The following LRPAP1 variants were observed in gnomAD, a reference collection of about 807,000 sequenced individuals.
The protein encoded by LRPAP1 is LDL receptor related protein associated protein 1.
LRPAP1 carries 41 observed loss-of-function variants against 39.9 expected under a neutral mutation model. That is an observed-to-expected ratio of 1.03 (90% CI 0.80 to 1.33). LRPAP1 has a LOEUF of 1.33. Ranked by LOEUF, LRPAP1 falls within the 40% of genes most tolerant of loss-of-function variation. LRPAP1 has a pLI of 0.00. For missense variants in LRPAP1, 565 were observed against 482.3 expected, an observed-to-expected ratio of 1.17 and a Z score of -1.61; for synonymous variants, 263 against 212.7, an observed-to-expected ratio of 1.24 and a Z score of -2.06.
intron 2 of LRPAP1, among the ~76,000 whole-genome samples, chr4:3,520,917 A>C (rs866209984): frequency 2.0e-5 from 3 of 152,178 alleles, no homozygotes; most frequent in Non-Finnish European, 1.5e-5. Flanking sequence ...CTGTCACCAC[A>C]CGCTGCCACC....
chr4:3,524,345 C>A (rs2108694328), intron 2 of LRPAP1, among the ~76,000 whole-genome samples: 1 of 152,378 alleles, frequency 6.6e-6, no homozygotes, highest in African/African-American at 2.4e-5. Flanking sequence ...AAGCGCATGA[C>A]AACCAAGTGT....
At chr4:3,520,553 C>G (rs973103698) in intron 2 of LRPAP1, among the ~76,000 whole-genome samples, 8 of 152,208 alleles carry the variant, frequency 5.3e-5, no homozygotes, top group Non-Finnish European at 1.2e-4. Flanking sequence ...TACCGATTGG[C>G]CCGTCTTTAG....
In LRPAP1 at chr4:3,516,053, G is replaced by A. The variant is rs912648433; in HGVS notation, c.834+63C>T. The A allele has an allele frequency of 1.3e-5, 20 of 1,484,026 alleles. No homozygotes were observed. In the Admixed American group the frequency reaches 2.2e-4, roughly 16 times the overall value. 91.9% of individuals were successfully genotyped at this position (1,484,026 alleles called of 1,614,324 possible). On this transcript the variant is annotated intron_variant, in intron 6 of 7. Transcript: ENST00000650182. Reference sequence around the variant, plus strand: ...AGGAGAGGGCTGCATTTCCTTACCCGGAAACTGCAAGAGAATCTTCACCAC... The same window carrying A: ...AGGAGAGGGCTGCATTTCCTTACCCAGAAACTGCAAGAGAATCTTCACCAC...
At position 3,506,915 on chromosome 4, in the gene LRPAP1, G is replaced by A. The variant is rs887148409; in HGVS notation, c.*6059C>T. On this transcript the variant is annotated 3_prime_UTR_variant, in exon 8 of 8. Coordinates refer to ENST00000650182, the MANE Select transcript of LRPAP1 (RefSeq NM_002337.4). The stretch of plus-strand genomic sequence containing the variant: ...AGGAAGGACTCACACCTAGACCTGG[G>A]AATAACGCTAAGACCAGGCTGGGTG... The A allele has an allele frequency of 6.6e-6, 1 of 152,248 alleles. No homozygotes were observed. Among genetic ancestry groups the A allele is most frequent in the Non-Finnish European group, 1.5e-5 (1 of 68,046 alleles). 9.4% of individuals were successfully genotyped at this position (152,248 alleles called of 1,614,324 possible).
intron 2 of LRPAP1, among the ~76,000 whole-genome samples, chr4:3,523,526 CT>C (rs1729984379): frequency 6.6e-6 from 1 of 152,180 alleles, no homozygotes; most frequent in Non-Finnish European, 1.5e-5. Flanking sequence ...AGAGGGGTGG[CT>C]GGGAACAGAC....
chr4:3,526,597 C>T (rs535129580), intron 1 of LRPAP1, among the ~76,000 whole-genome samples: 1 of 152,196 alleles, frequency 6.6e-6, no homozygotes, highest in South Asian at 2.1e-4. Flanking sequence ...CCTTGCAGCC[C>T]GAGACCTCAG....
At chr4:3,516,072 T>C in intron 6 of LRPAP1, 44 bp downstream of exon 6, 1 of 1,530,460 alleles carries the variant, frequency 6.5e-7, no homozygotes, top group Non-Finnish European at 8.9e-7. Flanking sequence ...AAGAGAATCT[T>C]CACCACAGGA....
In LRPAP1 at chr4:3,505,794, G is replaced by T. The variant is rs77298395; in HGVS notation, c.*7180C>A. On this transcript the variant is annotated 3_prime_UTR_variant, in exon 8 of 8. Coordinates refer to ENST00000650182, the MANE Select transcript of LRPAP1 (RefSeq NM_002337.4). The stretch of plus-strand genomic sequence containing the variant: ...TGGATTACAACTCGGCAAGATGCTG[G>T]GGAGGTTTCTGTTAGGGTGGAGCTG... Among the ~76,000 whole-genome samples the T allele has an allele frequency of 0.02, 3,110 of 152,352 alleles. 43 individuals are homozygous for T. Among genetic ancestry groups the T allele is most frequent in the Non-Finnish European group, 0.028 (1,931 of 68,028 alleles).
rs749913193 is a variant in LRPAP1, at chr4:3,525,119, C to T, written c.205-68G>A. 1.5e-4 allele frequency: 242 copies of T among 1,589,086 alleles called. 1 individual carries two copies. Among genetic ancestry groups the T allele is most frequent in the Admixed American group, 5.2e-4 (31 of 59,854 alleles). On this transcript the variant is annotated intron_variant, in intron 1 of 7. Transcript: ENST00000650182. ...GACCAGGACACAGCGAGAAACTGAC[C>T]TCGGAGGAGGCTGGCCACCGGGAGG...
At position 3,518,324 on chromosome 4, in the gene LRPAP1, G is replaced by A. The variant is rs968647596; in HGVS notation, c.593-132C>T. 15 of 1,025,138 alleles carry A rather than the reference G, an allele frequency of 1.5e-5. No homozygotes were observed. In the South Asian group the frequency reaches 1.8e-4, roughly 12 times the overall value. 63.5% of individuals were successfully genotyped at this position (1,025,138 alleles called of 1,614,324 possible). ...TCTGGGCTGAAAATGTCCCCCTTCC[G>A]CGGTCCTGCAGCGCCGCAGAAACGA... On this transcript the variant is annotated intron_variant, in intron 4 of 7. Transcript: ENST00000650182.
At chr4:3,518,847 G>T in intron 4 of LRPAP1, 24 bp downstream of exon 4, 1 of 1,493,114 alleles carries the variant, frequency 6.7e-7, no homozygotes, top group East Asian at 2.5e-5. Context: ...GCAGAGGGCA[G>T]GAGGGGGTGG....
Position 3,504,255 on chromosome 4 carries a change from C to T in LRPAP1, c.*8719G>A, listed in dbSNP as rs949050289. The T allele has an allele frequency of 1.3e-5, 2 of 152,270 alleles. No individual in the cohort carries two copies. The highest frequency in any genetic ancestry group is 1.3e-4 in the Admixed American group (2 of 15,280). The allele number at this position is 152,270 out of a possible 1,614,324, so 9.4% of individuals were successfully genotyped here. On this transcript the variant is annotated 3_prime_UTR_variant, in exon 8 of 8. Transcript: ENST00000650182. ...AACCCGGTCTCAGAGGCTTAAGAAC[C>T]CTCTCCAGGAGGATGATCCATATAA...
In LRPAP1 at chr4:3,532,403, G is replaced by C. The variant is rs745856564; in HGVS notation, c.10C>G (p.Arg4Gly). Residue 4 changes from arginine (R) to glycine (G), a missense_variant, in exon 1 of 8, where the codon CGG becomes GGG. Transcript: ENST00000650182. ...CCGCGCAGAAACGACCTGACCCTCC[G>C]CGGCGCCATCTTCCTCTGCGACTGG... MAP[R>G]RVRSFLRGLP... is the part of the protein sequence containing the mutation. 1.9e-6 allele frequency: 3 copies of C among 1,573,430 alleles called. No individual in the cohort carries two copies. The Admixed American group carries it at 5.4e-5, about 28-fold the overall frequency.
In LRPAP1 at chr4:3,532,260, T is replaced by C; in HGVS notation, c.153A>G (p.Gly51=). ...TCAACTTCTCCATGCGGAACTCCTC[T>C]CCGGACTCGCGTTTCGGGGACGGCT... The part of the protein sequence containing the change: ...QPKPSPKRES[G]EEFRMEKLNQ... Residue 51 remains glycine (G), a synonymous_variant, in exon 1 of 8, where the codon GGA becomes GGG. Coordinates refer to ENST00000650182, the MANE Select transcript of LRPAP1 (RefSeq NM_002337.4). The C allele has an allele frequency of 6.4e-7, 1 of 1,553,774 alleles. No homozygotes were observed. Among genetic ancestry groups the C allele is most frequent in the East Asian group, 2.4e-5 (1 of 41,344 alleles).
chr4:3,517,539 AGTG>A (rs1457581877), intron 5 of LRPAP1: 1 of 153,248 alleles, frequency 6.5e-6, no homozygotes, highest in African/African-American at 2.4e-5. Context: ...GGCAAGAAGC[AGTG>A]GTGCAGAGCC....
chr4:3,531,881 G>A, intron 1 of LRPAP1: 1 of 399,436 alleles, frequency 2.5e-6, no homozygotes, highest in Non-Finnish European at 4.5e-6. Context: ...GGCTCGGGAG[G>A]CAGGAGACCT....
intron 2 of LRPAP1, among the ~76,000 whole-genome samples, chr4:3,523,324 G>A (rs1020126011): frequency 3.9e-5 from 6 of 152,176 alleles, no homozygotes; most frequent in African/African-American, 9.7e-5. Context: ...ACACGCTGGT[G>A]GGGACGCAAC....
chr4:3,523,452 G>A (rs146587022), intron 2 of LRPAP1, among the ~76,000 whole-genome samples: 4 of 152,288 alleles, frequency 2.6e-5, no homozygotes, highest in South Asian at 2.1e-4. Context: ...AAATGAAGCC[G>A]GCCCTCTGTC....
Position 3,514,733 on chromosome 4 carries a change from T to C in LRPAP1, c.1011+19A>G. On this transcript the variant is annotated intron_variant, in intron 7 of 7. Coordinates refer to ENST00000650182, the MANE Select transcript of LRPAP1 (RefSeq NM_002337.4). ...TGCAGGGGAACTGTGGCCTCCCCGG[T>C]CCTGGAACCCGTGCGCACCGTGTAG... The C allele has an allele frequency of 6.3e-7, 1 of 1,582,616 alleles. No homozygotes were observed. Among genetic ancestry groups the C allele is most frequent in the South Asian group, 1.1e-5 (1 of 89,980 alleles).
Sources: gnomAD v4.1 joint callset for allele counts (sites outside exome capture counted in the v4.1 genomes callset) on GRCh38, gnomAD v4.1.1 for gene constraint, MANE v1.5 for transcripts, NCBI Gene and HGNC (gene_info 2026-07-23, HGNC 2026-07-21) for gene names.